ADAMTS18: variants seen among roughly 807,000 people sequenced by gnomAD.
ADAMTS18 encodes A disintegrin and metalloproteinase with thrombospondin motifs 18.
Under a neutral mutation model 165.9 loss-of-function variants are expected in ADAMTS18, and 157 were observed. The observed-to-expected ratio is 0.95, with a 90% CI of 0.83 to 1.08. The LOEUF (loss-of-function observed/expected upper bound fraction) is 1.08. ADAMTS18 is among the 50% of genes least tolerant of loss of function. The pLI is 0.00. For synonymous variants in ADAMTS18, 782 were observed against 578.2 expected, an observed-to-expected ratio of 1.35 and a Z score of -5.06; for missense variants, 2,040 against 1,534.0, an observed-to-expected ratio of 1.33 and a Z score of -5.51.
At chr16:77,341,073 GACTC>G (rs1487799312) in intron 11 of ADAMTS18, among the ~76,000 whole-genome samples, 1 of 152,062 alleles carries the variant, frequency 6.6e-6, no homozygotes, top group Non-Finnish European at 1.5e-5. Flanking sequence ...CCTCCCTCCA[GACTC>G]TATTGAGAAA....
At chr16:77,421,151 A>C (rs2057597375) in intron 3 of ADAMTS18, among the ~76,000 whole-genome samples, 1 of 152,202 alleles carries the variant, frequency 6.6e-6, no homozygotes, top group Admixed American at 6.5e-5. Flanking sequence ...AATATTCCCA[A>C]GCTCAGCAGC....
At chr16:77,372,690 T>G (rs1166866246) in intron 3 of ADAMTS18, among the ~76,000 whole-genome samples, 2 of 152,158 alleles carry the variant, frequency 1.3e-5, no homozygotes, top group Non-Finnish European at 2.9e-5. Flanking sequence ...AAATCTCAGA[T>G]TTCACAACCC....
At chr16:77,420,935 C>G (rs76403885) in intron 3 of ADAMTS18, among the ~76,000 whole-genome samples, 483 of 152,232 alleles carry the variant, frequency 3.2e-3, no homozygotes, top group African/African-American at 0.011. Flanking sequence ...CCCATAGACA[C>G]TAAAAAGTAC....
At chr16:77,347,889 A>T (rs1201106508) in intron 10 of ADAMTS18, among the ~76,000 whole-genome samples, 1 of 152,224 alleles carries the variant, frequency 6.6e-6, no homozygotes, top group Non-Finnish European at 1.5e-5. Context: ...ATTTATTTTT[A>T]TGTACTTTAG....
intron 3 of ADAMTS18, among the ~76,000 whole-genome samples, chr16:77,383,360 AG>A (rs1410653289): frequency 6.6e-6 from 1 of 152,106 alleles, no homozygotes; most frequent in East Asian, 1.9e-4. Flanking sequence ...TAGCTTCTCT[AG>A]CATCTTCTAC....
At chr16:77,402,398 G>T (rs1411703652) in intron 3 of ADAMTS18, among the ~76,000 whole-genome samples, 4 of 152,152 alleles carry the variant, frequency 2.6e-5, no homozygotes, top group African/African-American at 9.7e-5. Context: ...TATCCCGATA[G>T]TCCTGGAACA....
chr16:77,309,822 C>G (rs535918945), intron 16 of ADAMTS18, among the ~76,000 whole-genome samples: 1 of 152,278 alleles, frequency 6.6e-6, no homozygotes, highest in East Asian at 1.9e-4. Flanking sequence ...TGCTATTCAT[C>G]TAGATTGAGG....
chr16:77,353,634 T>TA, intron 10 of ADAMTS18, 99 bp downstream of exon 10: 1 of 1,542,528 alleles, frequency 6.5e-7, no homozygotes, highest in South Asian at 1.1e-5. Flanking sequence ...ACCCAGAACC[T>TA]AACCCTTGGC....
At chr16:77,348,456 G>C (rs2056509044) in intron 10 of ADAMTS18, among the ~76,000 whole-genome samples, 1 of 152,198 alleles carries the variant, frequency 6.6e-6, no homozygotes, top group South Asian at 2.1e-4. Flanking sequence ...AGAGAAGTGT[G>C]CATCCTGCAG....
rs568873567 is a variant in ADAMTS18, at chr16:77,404,355, A to G, written c.495+26940T>C. Among the ~76,000 whole-genome samples, 11 of 152,288 alleles carry G rather than the reference A, an allele frequency of 7.2e-5. No homozygotes were observed. The South Asian group carries it at 2.3e-3, about 32-fold the overall frequency. ...CCTTTTCAGGGTCACAAAAAATTAGATTTAGGGGGGAAACAGATTTTGAGT... is the reference window on the plus strand; with the variant it reads ...CCTTTTCAGGGTCACAAAAAATTAGGTTTAGGGGGGAAACAGATTTTGAGT... On this transcript the variant is annotated intron_variant, in intron 3 of 22. Transcript: ENST00000282849.
chr16:77,403,012 C>A (rs927871285), intron 3 of ADAMTS18, among the ~76,000 whole-genome samples: 2 of 152,184 alleles, frequency 1.3e-5, no homozygotes, highest in Non-Finnish European at 2.9e-5. Context: ...TAAATTACAA[C>A]AAACAGTAGC....
chr16:77,369,548 G>C (rs1000655060), intron 3 of ADAMTS18, among the ~76,000 whole-genome samples: 2 of 152,108 alleles, frequency 1.3e-5, no homozygotes, highest in African/African-American at 4.8e-5. Flanking sequence ...GAAACATGAA[G>C]AAACAGAAAA....
chr16:77,406,871 C>T (rs2057399720), intron 3 of ADAMTS18, among the ~76,000 whole-genome samples: 1 of 151,918 alleles, frequency 6.6e-6, no homozygotes, highest in Admixed American at 6.6e-5. Flanking sequence ...CATGTTCTCA[C>T]AAGGGGGAGC....
At chr16:77,301,954 G>T (rs367931205) in intron 16 of ADAMTS18, among the ~76,000 whole-genome samples, 20 of 147,324 alleles carry the variant, frequency 1.4e-4, no homozygotes, top group African/African-American at 4.5e-4. Context: ...AAAAAATCTT[G>T]AAATCAAAGT....
chr16:77,334,383 TATTA>T (rs1353994840), intron 12 of ADAMTS18, among the ~76,000 whole-genome samples: 3 of 112,460 alleles, frequency 2.7e-5, no homozygotes, highest in Non-Finnish European at 4.9e-5. Context: ...ATAGTATATA[TATTA>T]TATATATACT....
intron 3 of ADAMTS18, among the ~76,000 whole-genome samples, chr16:77,427,104 T>A (rs2144859714): frequency 6.6e-6 from 1 of 152,296 alleles, no homozygotes; most frequent in African/African-American, 2.4e-5. Flanking sequence ...TCTCAGATAT[T>A]CGTATGCATC....
intron 3 of ADAMTS18, among the ~76,000 whole-genome samples, chr16:77,405,961 T>G (rs2057388379): frequency 6.6e-6 from 1 of 151,794 alleles, no homozygotes; most frequent in South Asian, 2.1e-4. Context: ...TGTAAGAAAA[T>G]GAAAGAAATA....
At chr16:77,320,243 A>G in intron 15 of ADAMTS18, 150 bp from the exon 16 acceptor site, 1 of 1,002,580 alleles carries the variant, frequency 1.0e-6, no homozygotes. Flanking sequence ...AGTAAACATG[A>G]TCAATGATTT....
intron 12 of ADAMTS18, among the ~76,000 whole-genome samples, chr16:77,327,482 A>C (rs1223552977): frequency 6.6e-6 from 1 of 152,230 alleles, no homozygotes; most frequent in African/African-American, 2.4e-5. Context: ...AATTGCAAAA[A>C]TATGGAACCA....
Sources: gnomAD v4.1 joint callset for allele counts (sites outside exome capture counted in the v4.1 genomes callset) on GRCh38, gnomAD v4.1.1 for gene constraint, MANE v1.5 for transcripts, NCBI Gene and HGNC (gene_info 2026-07-23, HGNC 2026-07-21) for gene names.